The following BNC2 variants were observed in gnomAD, a reference collection of about 807,000 sequenced individuals.
BNC2 encodes zinc finger protein basonuclin-2.
In BNC2, 20 loss-of-function variants were observed where a neutral mutation model predicts 76.3. The observed-to-expected ratio is 0.26, with a 90% confidence interval of 0.18 to 0.38. BNC2 has a LOEUF of 0.38. BNC2 is among the 10% of genes least tolerant of loss of function. BNC2 has a pLI of 1.00. For missense variants in BNC2, 1,382 were observed against 1,399.8 expected (o/e 0.99, Z 0.20); for synonymous variants, 582 against 514.8 (o/e 1.13, Z -1.77).
At chr9:16,738,318 G>A (rs1459987945) in intron 2 of BNC2, 42 bp downstream of exon 2, 3 of 1,585,090 alleles carry the variant, frequency 1.9e-6, no homozygotes, top group Non-Finnish European at 2.6e-6. Context: ...GAATGCAAGT[G>A]TGTCCAAGTA....
At chr9:16,505,974 A>C (rs376748630) in intron 5 of BNC2, among the ~76,000 whole-genome samples, 24 of 152,272 alleles carry the variant, frequency 1.6e-4, no homozygotes, top group African/African-American at 5.5e-4. Context: ...CCTCAAATAA[A>C]AAGCATAATT....
At chr9:16,448,707 T>A (rs563203895) in intron 5 of BNC2, among the ~76,000 whole-genome samples, 4 of 152,298 alleles carry the variant, frequency 2.6e-5, no homozygotes, top group African/African-American at 9.6e-5. Context: ...AAAGATGTAT[T>A]AGGAGATTTA....
chr9:16,867,222 A>C (rs1357899900), intron 1 of BNC2: 3 of 152,212 alleles, frequency 2.0e-5, no homozygotes, highest in African/African-American at 7.2e-5. Context: ...TCAAAAATTC[A>C]GGAAAAAAAC....
chr9:16,820,476 A>C (rs926995774), intron 1 of BNC2, among the ~76,000 whole-genome samples: 1 of 152,148 alleles, frequency 6.6e-6, no homozygotes, highest in African/African-American at 2.4e-5. Flanking sequence ...GTTTTGCCAA[A>C]GGTTATATTG....
chr9:16,463,254 T>C (rs1198701049), intron 5 of BNC2, among the ~76,000 whole-genome samples: 3 of 151,814 alleles, frequency 2.0e-5, no homozygotes, highest in Non-Finnish European at 2.9e-5. Context: ...AAAATGACTA[T>C]GCTGAAAATT....
chr9:16,579,229 T>C (rs933062563), intron 4 of BNC2, among the ~76,000 whole-genome samples: 1 of 152,174 alleles, frequency 6.6e-6, no homozygotes. Flanking sequence ...TAAGTATTAA[T>C]AATTTCAAAA....
chr9:16,644,992 G>T (rs1270208525), intron 3 of BNC2, among the ~76,000 whole-genome samples: 1 of 152,158 alleles, frequency 6.6e-6, no homozygotes, highest in Non-Finnish European at 1.5e-5. Context: ...CGTCAGCATT[G>T]TAAATCTAAG....
At chr9:16,583,891 T>G (rs185321030) in intron 3 of BNC2, among the ~76,000 whole-genome samples, 14 of 152,260 alleles carry the variant, frequency 9.2e-5, no homozygotes, top group African/African-American at 3.4e-4. Flanking sequence ...TATAACCACT[T>G]TAAAAAACCA....
chr9:16,657,023 G>C (rs1013067811), intron 3 of BNC2, among the ~76,000 whole-genome samples: 1 of 152,088 alleles, frequency 6.6e-6, no homozygotes, highest in African/African-American at 2.4e-5. Context: ...ACTATAGTGG[G>C]GCAAGGGTAG....
chr9:16,664,168 T>C (rs1359420293), intron 3 of BNC2, among the ~76,000 whole-genome samples: 1 of 152,190 alleles, frequency 6.6e-6, no homozygotes, highest in Non-Finnish European at 1.5e-5. Flanking sequence ...GACATCAGTA[T>C]TCATTTCATC....
At chr9:16,598,701 A>AT (rs781534316) in intron 3 of BNC2, among the ~76,000 whole-genome samples, 1 of 152,264 alleles carries the variant, frequency 6.6e-6, no homozygotes, top group East Asian at 1.9e-4. Flanking sequence ...CCCCTCCACC[A>AT]TTCTCATCTC....
chr9:16,626,384 A>C (rs181973803), intron 3 of BNC2: 1 of 152,212 alleles, frequency 6.6e-6, no homozygotes, highest in African/African-American at 2.4e-5. Flanking sequence ...GAATATAATA[A>C]AAGTCGAAGT....
At position 16,759,948 on chromosome 9, in the gene BNC2, T is replaced by C. The variant is rs548057277; in HGVS notation, c.4-21463A>G. 7.9e-5 allele frequency among the ~76,000 whole-genome samples: 12 copies of C among 152,166 alleles called. No individual in the cohort carries two copies. The East Asian group carries it at 1.2e-3, about 15-fold the overall frequency. The stretch of plus-strand genomic sequence containing the variant: ...CCGCATTAGCCAGGACGGTCTGGAT[T>C]TCCTGACCTCGTGATCCGCCCACCT... On this transcript the variant is annotated intron_variant, in intron 1 of 6. Coordinates refer to ENST00000380672, the MANE Select transcript of BNC2 (RefSeq NM_017637.6).
chr9:16,723,103 T>G (rs571716590), intron 3 of BNC2, among the ~76,000 whole-genome samples: 1 of 152,178 alleles, frequency 6.6e-6, no homozygotes, highest in South Asian at 2.1e-4. Context: ...TGCATGCCTC[T>G]TAATATAAAT....
At chr9:16,447,490 G>C (rs577306080) in intron 5 of BNC2, among the ~76,000 whole-genome samples, 1 of 151,944 alleles carries the variant, frequency 6.6e-6, no homozygotes, top group Non-Finnish European at 1.5e-5. Context: ...TGTAACCAAC[G>C]TATTTTTAGA....
At chr9:16,590,493 T>TA (rs1819894456) in intron 3 of BNC2, among the ~76,000 whole-genome samples, 1 of 151,338 alleles carries the variant, frequency 6.6e-6, no homozygotes, top group South Asian at 2.1e-4. Flanking sequence ...GTGCCTGGCT[T>TA]AAAAAAAGAA....
At chr9:16,719,974 T>G (rs2134855567) in intron 3 of BNC2, among the ~76,000 whole-genome samples, 1 of 152,306 alleles carries the variant, frequency 6.6e-6, no homozygotes, top group South Asian at 2.1e-4. Context: ...GAATTAGGTT[T>G]TTAAAAGAAG....
At chr9:16,769,109 G>C (rs1825768553) in intron 1 of BNC2, among the ~76,000 whole-genome samples, 1 of 152,206 alleles carries the variant, frequency 6.6e-6, no homozygotes, top group South Asian at 2.1e-4. Flanking sequence ...CCCTGGAAAA[G>C]CATAGTGCCT....
intron 3 of BNC2, among the ~76,000 whole-genome samples, chr9:16,609,309 A>G (rs1820473395): frequency 6.6e-6 from 1 of 152,178 alleles, no homozygotes; most frequent in South Asian, 2.1e-4. Flanking sequence ...AGCTGCAAGG[A>G]AAGTAAATAA....
Sources: gnomAD v4.1 joint callset for allele counts (sites outside exome capture counted in the v4.1 genomes callset) on GRCh38, gnomAD v4.1.1 for gene constraint, MANE v1.5 for transcripts, NCBI Gene and HGNC (gene_info 2026-07-23, HGNC 2026-07-21) for gene names.